The following GSG1L variants were observed in gnomAD, a reference collection of about 807,000 sequenced individuals.
GSG1L encodes germ cell-specific gene 1-like protein.
GSG1L carries 24 observed loss-of-function variants against 42.1 expected under a neutral mutation model. The observed-to-expected ratio is 0.57, with a 90% CI of 0.41 to 0.80. The LOEUF (loss-of-function observed/expected upper bound fraction) is 0.80. Ranked by LOEUF, GSG1L falls within the 30% of genes least tolerant of loss-of-function variation. The probability of loss-of-function intolerance (pLI) is 0.00; values close to 1 mark genes in which losing one functional copy is unlikely to be tolerated. For synonymous variants in GSG1L, 215 were observed against 203.5 expected, an observed-to-expected ratio of 1.06 and a Z score of -0.48; for missense variants, 445 against 472.2, an observed-to-expected ratio of 0.94 and a Z score of 0.53.
At chr16:27,987,224 A>G (rs1356779751) in intron 1 of GSG1L, among the ~76,000 whole-genome samples, 1 of 152,194 alleles carries the variant, frequency 6.6e-6, no homozygotes, top group Non-Finnish European at 1.5e-5. Context: ...CTCAAAAAAA[A>G]AAAAAAAAAG....
chr16:27,924,052 C>T (rs1191951588), intron 2 of GSG1L, among the ~76,000 whole-genome samples: 1 of 151,988 alleles, frequency 6.6e-6, no homozygotes, highest in Non-Finnish European at 1.5e-5. Context: ...ACTTCAGTTT[C>T]ATATTTAAGT....
chr16:28,053,510 CT>C (rs1409399458), intron 1 of GSG1L, among the ~76,000 whole-genome samples: 12 of 152,168 alleles, frequency 7.9e-5, no homozygotes, highest in African/African-American at 2.9e-4. Context: ...GTCTGGTCTT[CT>C]TCATCCGTCT....
intron 3 of GSG1L, among the ~76,000 whole-genome samples, chr16:27,881,237 A>C (rs74755380): frequency 9.5e-6 from 1 of 104,958 alleles, no homozygotes; most frequent in Non-Finnish European, 2.1e-5. Flanking sequence ...TAAGTATCAT[A>C]CTTTTTTTTT....
chr16:27,856,049 C>T (rs1452377117), intron 3 of GSG1L, among the ~76,000 whole-genome samples: 1 of 152,178 alleles, frequency 6.6e-6, no homozygotes, highest in Non-Finnish European at 1.5e-5. Context: ...AACCTCAGCA[C>T]TACTGACATT....
chr16:27,793,066 C>T (rs1283917664), intron 6 of GSG1L, among the ~76,000 whole-genome samples: 5 of 152,226 alleles, frequency 3.3e-5, no homozygotes, highest in Non-Finnish European at 5.9e-5. Context: ...ACTTTAGGGT[C>T]AGACAGGCTC....
intron 6 of GSG1L, among the ~76,000 whole-genome samples, chr16:27,797,935 T>C (rs2082838654): frequency 6.7e-6 from 1 of 149,384 alleles, no homozygotes; most frequent in South Asian, 2.1e-4. Context: ...AAACAAAAAA[T>C]CAAGTATCAC....
rs78767624 is a variant in GSG1L at position 27,884,402 on chromosome 16, G to T, written c.550+84C>A. The T allele has an allele frequency of 2.5e-4, 334 of 1,312,616 alleles. No homozygotes were observed. The highest frequency in any genetic ancestry group is 3.3e-4 in the Non-Finnish European group (323 of 966,704). 81.3% of individuals were successfully genotyped at this position (1,312,616 alleles called of 1,614,324 possible). On this transcript the variant is annotated intron_variant, in intron 3 of 6. Transcript: ENST00000447459. This position sits in a 1 kb window ranked among gnomAD's most constrained non-coding sequence, Gnocchi z 4.4. ...AGAAGCAATTTGTCCAATGCCTCCCGGTTGGTACAACCAGGGCTTACTCCA... is the reference window on the plus strand; with the variant it reads ...AGAAGCAATTTGTCCAATGCCTCCCTGTTGGTACAACCAGGGCTTACTCCA...
At chr16:27,968,530 C>A (rs1176906082) in intron 1 of GSG1L, among the ~76,000 whole-genome samples, 1 of 152,150 alleles carries the variant, frequency 6.6e-6, no homozygotes, top group Non-Finnish European at 1.5e-5. Context: ...GGATTAGAAG[C>A]GTGATCTACC....
At chr16:27,978,468 G>T (rs1035080608) in intron 1 of GSG1L, among the ~76,000 whole-genome samples, 1 of 151,760 alleles carries the variant, frequency 6.6e-6, no homozygotes, top group Non-Finnish European at 1.5e-5. Context: ...CAAGGTGGGC[G>T]GATCACGAGG....
rs559694372 is a variant in GSG1L at position 28,035,097 on chromosome 16, C to G, written c.349+27979G>C. 3.3e-5 allele frequency among the ~76,000 whole-genome samples: 5 copies of G among 152,310 alleles called. No individual in the cohort carries two copies. The East Asian group carries it at 9.6e-4, about 29-fold the overall frequency. ...TGGCATGATCATTTAACCTCAAACT[C>G]CTGGGCTCAAGCAATCCTCCCACCT... On this transcript the variant is annotated intron_variant, in intron 1 of 6. Coordinates refer to ENST00000447459, the MANE Select transcript of GSG1L (RefSeq NM_001109763.2).
At chr16:27,927,900 G>A (rs185887042) in intron 2 of GSG1L, among the ~76,000 whole-genome samples, 1 of 152,166 alleles carries the variant, frequency 6.6e-6, no homozygotes, top group Admixed American at 6.5e-5. Context: ...GTGGGGAGTG[G>A]CCTGGACATC....
rs201259967 is a variant in GSG1L, at chr16:27,960,108, AT to A, written c.397+3047del. Among the ~76,000 whole-genome samples the A allele has an allele frequency of 7.0e-3, 1,065 of 152,234 alleles. 11 individuals are homozygous for A. Among genetic ancestry groups the A allele is most frequent in the African/African-American group, 0.024 (1,016 of 41,532 alleles). Reference sequence around the variant, plus strand: ...TTGAGAAGGGCCTGGAAATCTTGAAATCATGCCTGCGGTTTGCCAGGTGGGA... The same window carrying A: ...TTGAGAAGGGCCTGGAAATCTTGAAACATGCCTGCGGTTTGCCAGGTGGGA... On this transcript the variant is annotated intron_variant, in intron 2 of 6. Transcript: ENST00000447459.
At chr16:27,828,992 G>T in intron 4 of GSG1L, 36 bp from the exon 5 acceptor site, 1 of 1,603,180 alleles carries the variant, frequency 6.2e-7, no homozygotes, top group Non-Finnish European at 8.5e-7. Flanking sequence ...CCATCGTGAG[G>T]GTGGGCAAGG....
intron 2 of GSG1L, among the ~76,000 whole-genome samples, chr16:27,892,583 G>C (rs1011467934): frequency 5.9e-5 from 9 of 152,070 alleles, no homozygotes; most frequent in African/African-American, 2.2e-4. Flanking sequence ...GGTCAACATG[G>C]TGAAACCCCG....
At chr16:27,823,821 G>C in intron 5 of GSG1L, 1 of 702,608 alleles carries the variant, frequency 1.4e-6, no homozygotes, top group Non-Finnish European at 2.6e-6. Context: ...CACAGGGAAG[G>C]ACTATGTGGC....
chr16:27,806,917 G>A (rs1346014064), intron 6 of GSG1L, among the ~76,000 whole-genome samples: 1 of 152,174 alleles, frequency 6.6e-6, no homozygotes, highest in Non-Finnish European at 1.5e-5. Context: ...AGTGGGATGG[G>A]GTGGGGAACA....
chr16:27,828,304 C>G (rs1440759659), intron 5 of GSG1L, among the ~76,000 whole-genome samples: 3 of 152,248 alleles, frequency 2.0e-5, no homozygotes, highest in Non-Finnish European at 4.4e-5. Flanking sequence ...TACCCACCCA[C>G]TGTTTATTGT....
chr16:27,803,914 G>A (rs1262738566), intron 6 of GSG1L, among the ~76,000 whole-genome samples: 2 of 151,420 alleles, frequency 1.3e-5, no homozygotes, highest in Admixed American at 6.6e-5. Flanking sequence ...TAGATGACAC[G>A]ATTGATAGAT....
At chr16:27,858,263 C>T (rs185361632) in intron 3 of GSG1L, among the ~76,000 whole-genome samples, 1 of 152,236 alleles carries the variant, frequency 6.6e-6, no homozygotes, top group African/African-American at 2.4e-5. Context: ...GACAGCCTCT[C>T]TTTACCCCGG....
Sources: gnomAD v4.1 joint callset for allele counts (sites outside exome capture counted in the v4.1 genomes callset) on GRCh38, gnomAD v4.1.1 for gene constraint, Gnocchi (gnomAD v3.1) non-coding constraint, MANE v1.5 for transcripts, NCBI Gene and HGNC (gene_info 2026-07-23, HGNC 2026-07-21) for gene names.